The following ABCA12 variants were observed in gnomAD, a reference collection of about 807,000 sequenced individuals.
The protein encoded by ABCA12 is ATP binding cassette subfamily A member 12.
Under a neutral mutation model 293.5 loss-of-function variants are expected in ABCA12, and 156 were observed. The observed-to-expected ratio is 0.53, with a 90% CI of 0.47 to 0.61. The LOEUF (loss-of-function observed/expected upper bound fraction) is 0.61, where lower values mean the gene tolerates loss of function less well. ABCA12 is among the 20% of genes least tolerant of loss of function. The pLI, the probability that ABCA12 is intolerant of heterozygous loss-of-function variation, is 0.00. For synonymous variants in ABCA12, 1,063 were observed against 1,108.0 expected, an observed-to-expected ratio of 0.96 and a Z score of 0.81; for missense variants, 2,797 against 3,090.2, an observed-to-expected ratio of 0.91 and a Z score of 2.25.
chr2:215,045,230 C>T (rs889097823), intron 7 of ABCA12, among the ~76,000 whole-genome samples: 2 of 152,128 alleles, frequency 1.3e-5, no homozygotes, highest in African/African-American at 2.4e-5. Flanking sequence ...AAATACTGGC[C>T]GTGCCCAGAT....
intron 36 of ABCA12, among the ~76,000 whole-genome samples, chr2:214,973,743 T>G (rs1223741266): frequency 1.3e-5 from 2 of 152,214 alleles, no homozygotes; most frequent in Non-Finnish European, 2.9e-5. Flanking sequence ...TACCTACCTT[T>G]GGAAATTGGT....
At chr2:214,974,967 T>A in intron 34 of ABCA12, 103 bp from the exon 35 acceptor site, 1 of 1,080,054 alleles carries the variant, frequency 9.3e-7, no homozygotes, top group South Asian at 1.3e-5. Flanking sequence ...AGAAGGGTTT[T>A]CTTTTTCTTT....
At chr2:215,115,796 G>A (rs910633352) in intron 1 of ABCA12, among the ~76,000 whole-genome samples, 5 of 152,114 alleles carry the variant, frequency 3.3e-5, no homozygotes, top group South Asian at 2.1e-4. Flanking sequence ...GTAAGTGTAC[G>A]TGCTAGTACT....
At chr2:215,040,524 G>A (rs1701077062) in intron 7 of ABCA12, among the ~76,000 whole-genome samples, 1 of 152,068 alleles carries the variant, frequency 6.6e-6, no homozygotes, top group Non-Finnish European at 1.5e-5. Context: ...AATACAAAAT[G>A]TTGGCTGGGC....
At chr2:215,081,775 G>A (rs1357459269) in intron 2 of ABCA12, among the ~76,000 whole-genome samples, 1 of 152,100 alleles carries the variant, frequency 6.6e-6, no homozygotes, top group Non-Finnish European at 1.5e-5. Flanking sequence ...AAGCCCAGGA[G>A]AGAATGTCAG....
intron 2 of ABCA12, among the ~76,000 whole-genome samples, chr2:215,065,363 A>G (rs535868118): frequency 1.6e-3 from 240 of 150,096 alleles, no homozygotes; most frequent in African/African-American, 5.4e-3. Context: ...TTTAAAGAGA[A>G]AGGAGAAAAG....
At chr2:215,002,665 G>A (rs1458313919) in intron 20 of ABCA12, among the ~76,000 whole-genome samples, 1 of 151,724 alleles carries the variant, frequency 6.6e-6, no homozygotes, top group Non-Finnish European at 1.5e-5. Flanking sequence ...TGATGTAGAT[G>A]TTGGTGGGGG....
At chr2:215,088,778 C>T (rs946964145) in intron 2 of ABCA12, among the ~76,000 whole-genome samples, 1 of 152,100 alleles carries the variant, frequency 6.6e-6, no homozygotes, top group Non-Finnish European at 1.5e-5. Flanking sequence ...AAAAAGACTG[C>T]TAATTCCTGG....
chr2:214,948,231 G>GC (rs397870076), intron 47 of ABCA12, among the ~76,000 whole-genome samples: 1 of 152,180 alleles, frequency 6.6e-6, no homozygotes, highest in Admixed American at 6.5e-5. Context: ...TGGGCATTTT[G>GC]CCGTTAACTG....
At chr2:215,038,839 T>G (rs1165480447) in intron 7 of ABCA12, 7 of 152,354 alleles carry the variant, frequency 4.6e-5, no homozygotes, top group African/African-American at 9.6e-5. Context: ...ACTTCATTCA[T>G]CTTTATCTAA....
intron 1 of ABCA12, among the ~76,000 whole-genome samples, chr2:215,126,176 A>G (rs1157623587): frequency 2.0e-5 from 3 of 152,138 alleles, no homozygotes; most frequent in East Asian, 1.9e-4. Context: ...TCTTTCTGAT[A>G]TGTTGCTGGA....
intron 39 of ABCA12, among the ~76,000 whole-genome samples, chr2:214,964,859 C>T (rs1010154926): frequency 6.6e-6 from 1 of 152,004 alleles, no homozygotes; most frequent in African/African-American, 2.4e-5. Context: ...ACATTCTTCA[C>T]AGAATTAGAA....
intron 11 of ABCA12, among the ~76,000 whole-genome samples, chr2:215,025,020 G>A (rs1700707721): frequency 1.3e-5 from 2 of 152,098 alleles, no homozygotes; most frequent in African/African-American, 4.8e-5. Flanking sequence ...AACAATAAAA[G>A]TAGGGTGAAC....
chr2:214,991,550 T>TG (rs1485138294), intron 23 of ABCA12, among the ~76,000 whole-genome samples: 10 of 152,192 alleles, frequency 6.6e-5, no homozygotes, highest in African/African-American at 2.4e-4. Flanking sequence ...ACAGTATACC[T>TG]GATTCCTAAG....
intron 2 of ABCA12, among the ~76,000 whole-genome samples, chr2:215,065,132 T>A (rs1050656246): frequency 5.3e-5 from 8 of 151,648 alleles, no homozygotes; most frequent in African/African-American, 1.9e-4. Flanking sequence ...ACACGAGTCA[T>A]GACAATAGGC....
At chr2:214,998,313 G>A (rs1700076756) in intron 22 of ABCA12, among the ~76,000 whole-genome samples, 1 of 152,092 alleles carries the variant, frequency 6.6e-6, no homozygotes, top group African/African-American at 2.4e-5. Flanking sequence ...GCATTCATTT[G>A]TTTTTGTTTG....
chr2:214,983,839 G>A lies in ABCA12; in HGVS notation c.4190C>T (p.Ala1397Val). 1 of 1,613,926 alleles carries A rather than the reference G, an allele frequency of 6.2e-7. No individual in the cohort carries two copies. Among genetic ancestry groups the A allele is most frequent in the African/African-American group, 1.3e-5 (1 of 74,980 alleles). Reference protein sequence around the residue: ...TISMLTGLFGASAGTIFVYGK... With the variant: ...TISMLTGLFGVSAGTIFVYGK... Reference sequence around the variant, plus strand: ...ATATACAAAAATGGTGCCTGCTGAGGCCCCAAACAGCCCAGTTAACATGGA... The same window carrying A: ...ATATACAAAAATGGTGCCTGCTGAGACCCCAAACAGCCCAGTTAACATGGA... The change falls in exon 29 of 53, where the codon GCC (alanine) becomes GTC (valine). Residue 1397 changes from alanine (A) to valine (V), a missense_variant. Physicochemically the swap from Ala to Val is moderately conservative, Grantham distance 64. Around this residue, in one of 3 missense-constraint regions of ABCA12, gnomAD observed 2,130 missense variants for 2,427.0 expected, o/e 0.88. Transcript: ENST00000272895.
intron 7 of ABCA12, among the ~76,000 whole-genome samples, chr2:215,037,465 A>G (rs560839586): frequency 6.6e-6 from 1 of 152,304 alleles, no homozygotes; most frequent in African/African-American, 2.4e-5. Context: ...ACCCAAATAA[A>G]GGATCTAGTT....
intron 41 of ABCA12, among the ~76,000 whole-genome samples, chr2:214,957,427 G>A (rs375994284): frequency 6.6e-6 from 1 of 152,182 alleles, no homozygotes; most frequent in Non-Finnish European, 1.5e-5. Context: ...GAATCCTAAA[G>A]TACTAAGTAG....
Sources: allele counts gnomAD v4.1 joint callset (sites outside exome capture counted in the v4.1 genomes callset), GRCh38; gene constraint gnomAD v4.1.1; regional missense constraint gnomAD v4.1.1; transcripts MANE v1.5; gene names NCBI Gene and HGNC (gene_info 2026-07-23, HGNC 2026-07-21).